The following USP6NL variants were observed in gnomAD, a reference collection of about 807,000 sequenced individuals.
USP6NL encodes USP6 N-terminal-like protein.
Under a neutral mutation model 61.9 loss-of-function variants are expected in USP6NL, and 26 were observed. The observed-to-expected ratio is 0.42, with a 90% confidence interval of 0.31 to 0.58. The LOEUF (loss-of-function observed/expected upper bound fraction) is 0.58, where lower values mean the gene tolerates loss of function less well. USP6NL is among the 20% of genes least tolerant of loss of function. The pLI, the probability that USP6NL is intolerant of heterozygous loss-of-function variation, is 0.16. For synonymous variants in USP6NL, 432 were observed against 390.1 expected (o/e 1.11, Z -1.27); for missense variants, 1,114 against 1,034.3 (o/e 1.08, Z -1.06).
In USP6NL at chr10:11,597,003, T is replaced by C. The variant is rs973684692; in HGVS notation, c.4+628A>G. Reference sequence around the variant, plus strand: ...CTTCAAATCTCCATATAATCCCAGTTAGGGTAAAATCTCAATTCTTTTCCC... The same window carrying C: ...CTTCAAATCTCCATATAATCCCAGTCAGGGTAAAATCTCAATTCTTTTCCC... On this transcript the variant is annotated intron_variant, in intron 2 of 14. Transcript: ENST00000609104. This position sits in a 1 kb window ranked among gnomAD's most constrained non-coding sequence, Gnocchi z 4.6. Among the ~76,000 whole-genome samples, 10 of 152,122 alleles carry C rather than the reference T, an allele frequency of 6.6e-5. No homozygotes were observed. Among genetic ancestry groups the C allele is most frequent in the Non-Finnish European group, 1.3e-4 (9 of 68,024 alleles).
rs949003054 is a variant in USP6NL at position 11,482,427 on chromosome 10, A to G, written c.926-505T>C. On this transcript the variant is annotated intron_variant, in intron 13 of 14. Transcript: ENST00000609104. This position sits in a 1 kb window ranked among gnomAD's most constrained non-coding sequence, Gnocchi z 4.0. The stretch of plus-strand genomic sequence containing the variant: ...TTGGAAAAAGACATTCAAATTAAAT[A>G]TGAACACAAAGCAGAAAGTAAAAAT... Among the ~76,000 whole-genome samples the G allele has an allele frequency of 1.3e-5, 2 of 152,274 alleles. No individual in the cohort carries two copies. The highest frequency in any genetic ancestry group is 6.5e-5 in the Admixed American group (1 of 15,290).
chr10:11,541,608 G>A (rs1470002237), intron 2 of USP6NL, among the ~76,000 whole-genome samples: 2 of 152,074 alleles, frequency 1.3e-5, no homozygotes, highest in East Asian at 3.9e-4. Flanking sequence ...CATTAAATAA[G>A]GGCAAGAGGC....
chr10:11,492,543 G>T (rs943114180), intron 8 of USP6NL, among the ~76,000 whole-genome samples: 2 of 152,184 alleles, frequency 1.3e-5, no homozygotes, highest in Non-Finnish European at 2.9e-5. Context: ...CTTTCCCATG[G>T]CCTGCCCTGT....
intron 2 of USP6NL, among the ~76,000 whole-genome samples, chr10:11,534,091 C>A (rs986044470): frequency 6.6e-6 from 1 of 152,028 alleles, no homozygotes; most frequent in East Asian, 1.9e-4. Flanking sequence ...TCCTCATCCC[C>A]CACCCTTGAT....
intron 14 of USP6NL, among the ~76,000 whole-genome samples, chr10:11,479,668 C>A (rs951178569): frequency 6.6e-6 from 1 of 151,688 alleles, no homozygotes; most frequent in Non-Finnish European, 1.5e-5. Flanking sequence ...CTCCACCTCC[C>A]GGGTTCATGC....
chr10:11,539,265 A>T lies in USP6NL; in HGVS notation c.5-11698T>A, dbSNP rs113838954. ...GGCTTGTTGGCTGTGTCAGTCACCC[A>T]GTGGGCAGGTCTAAGTCAAGCAGGC... On this transcript the variant is annotated intron_variant, in intron 2 of 14. Coordinates refer to ENST00000609104, the MANE Select transcript of USP6NL (RefSeq NM_014688.5). Among the ~76,000 whole-genome samples the T allele has an allele frequency of 3.9e-3, 594 of 152,288 alleles. 3 individuals are homozygous for T. The highest frequency in any genetic ancestry group is 0.014 in the African/African-American group (573 of 41,554).
chr10:11,570,288 T>C (rs1837310237), intron 2 of USP6NL, among the ~76,000 whole-genome samples: 1 of 152,236 alleles, frequency 6.6e-6, no homozygotes, highest in South Asian at 2.1e-4. Context: ...CTTGAGGATA[T>C]ATCTCTACGC....
rs572282618 is a variant in USP6NL, at chr10:11,567,640, T to A, written c.4+29991A>T. Among the ~76,000 whole-genome samples, 22 of 152,320 alleles carry A rather than the reference T, an allele frequency of 1.4e-4. No homozygotes were observed. In the South Asian group the frequency reaches 3.9e-3, roughly 27 times the overall value. On this transcript the variant is annotated intron_variant, in intron 2 of 14. Transcript: ENST00000609104. Reference sequence around the variant, plus strand: ...CTATCCACAGAGCTCTGTATTCTGTTCCAGACATAAACACCTACAAACAAA... The same window carrying A: ...CTATCCACAGAGCTCTGTATTCTGTACCAGACATAAACACCTACAAACAAA...
chr10:11,525,458 C>A lies in USP6NL; in HGVS notation c.83G>T (p.Gly28Val). ...ATCTTCCCAAGGTTCAATCTCTGCACCTTCTCGTCCCTAAAATAAGGCACA... is the reference window on the plus strand; with the variant it reads ...ATCTTCCCAAGGTTCAATCTCTGCAACTTCTCGTCCCTAAAATAAGGCACA... ...IVAKYDRGREGAEIEPWEDAD... is the reference protein window; with the variant it reads ...IVAKYDRGREVAEIEPWEDAD... Residue 28 changes from glycine to valine, a missense_variant, in exon 4 of 15, where the codon GGT becomes GTT. Coordinates refer to ENST00000609104, the MANE Select transcript of USP6NL (RefSeq NM_014688.5). The surrounding 1 kb of genome is among the most constrained non-coding windows in gnomAD (Gnocchi z 5.0). 5 of 1,584,376 alleles carry A rather than the reference C, an allele frequency of 3.2e-6. No homozygotes were observed. Among genetic ancestry groups the A allele is most frequent in the Non-Finnish European group, 3.4e-6 (4 of 1,171,662 alleles).
rs540226752 is a variant in USP6NL, at chr10:11,463,712, C to T, written c.1216G>A (p.Gly406Arg). 15 of 1,610,844 alleles carry T rather than the reference C, an allele frequency of 9.3e-6. No homozygotes were observed. In the South Asian group the frequency reaches 9.9e-5, roughly 11 times the overall value. Residue 406 changes from glycine (G) to arginine (R), a missense_variant, in exon 15 of 15, where the codon GGG becomes AGG. By Grantham distance (125) the Gly-to-Arg change is moderately radical. Coordinates refer to ENST00000609104, the MANE Select transcript of USP6NL (RefSeq NM_014688.5). The surrounding 1 kb of genome is among the most constrained non-coding windows in gnomAD (Gnocchi z 6.3). ...SPLASGRRES[G>R]APHRRHEHSP... ...TGCTCGTGCCTCCTGTGGGGCGCCC[C>T]GCTCTCCCTCCTGCCGCTGGCCAGC... is the stretch of plus-strand genomic sequence containing the variant.
chr10:11,523,877 A>C (rs2133390893), intron 4 of USP6NL, among the ~76,000 whole-genome samples: 1 of 152,340 alleles, frequency 6.6e-6, no homozygotes, highest in South Asian at 2.1e-4. Context: ...TTGAATCAAA[A>C]TCTAGGAAAG....
At chr10:11,484,228 C>A (rs1833363226) in intron 13 of USP6NL, among the ~76,000 whole-genome samples, 2 of 152,050 alleles carry the variant, frequency 1.3e-5, no homozygotes, top group Non-Finnish European at 2.9e-5. Flanking sequence ...TTCTTTTCTG[C>A]ATAGCTACAA....
At chr10:11,539,989 C>G (rs1214838636) in intron 2 of USP6NL, among the ~76,000 whole-genome samples, 1 of 152,194 alleles carries the variant, frequency 6.6e-6, no homozygotes, top group Admixed American at 6.5e-5. Context: ...CCAGGCTGTC[C>G]AATTTCAACT....
chr10:11,520,006 G>C lies in USP6NL; in HGVS notation c.156-1432C>G, dbSNP rs189718874. ...TTTTTCTACTCTGAGGAGTCCTTAG[G>C]TGAACAATTACTACAGCCACAAAAC... is the stretch of plus-strand genomic sequence containing the variant. On this transcript the variant is annotated intron_variant, in intron 4 of 14. Transcript: ENST00000609104. This position sits in a 1 kb window ranked among gnomAD's most constrained non-coding sequence, Gnocchi z 5.2. Among the ~76,000 whole-genome samples, 2 of 152,144 alleles carry C rather than the reference G, an allele frequency of 1.3e-5. No individual in the cohort carries two copies. Among genetic ancestry groups the C allele is most frequent in the Non-Finnish European group, 2.9e-5 (2 of 68,028 alleles).
chr10:11,519,185 C>A (rs1478128071), intron 4 of USP6NL, among the ~76,000 whole-genome samples: 1 of 152,186 alleles, frequency 6.6e-6, no homozygotes, highest in Non-Finnish European at 1.5e-5. Context: ...GCTCCACAGG[C>A]CCCAGCTTGC....
Position 11,570,997 on chromosome 10 carries a change from T to C in USP6NL, c.4+26634A>G, listed in dbSNP as rs1297269196. Among the ~76,000 whole-genome samples, 8 of 152,192 alleles carry C rather than the reference T, an allele frequency of 5.3e-5. 1 individual carries two copies. Among genetic ancestry groups the C allele is most frequent in the South Asian group, 4.1e-4 (2 of 4,832 alleles). On this transcript the variant is annotated intron_variant, in intron 2 of 14. Coordinates refer to ENST00000609104, the MANE Select transcript of USP6NL (RefSeq NM_014688.5). ...TGTTGCCTAACTAAACAAACACTTA[T>C]TAGACAAGACTGTCTTAACAAATGC...
chr10:11,570,514 C>A (rs1309558687), intron 2 of USP6NL, among the ~76,000 whole-genome samples: 1 of 152,168 alleles, frequency 6.6e-6, no homozygotes, highest in African/African-American at 2.4e-5. Flanking sequence ...TTTTAATAAC[C>A]TTGGTCGTTC....
At chr10:11,523,029 G>A (rs1204299848) in intron 4 of USP6NL, among the ~76,000 whole-genome samples, 1 of 152,222 alleles carries the variant, frequency 6.6e-6, no homozygotes, top group Admixed American at 6.5e-5. Context: ...CTTTTCAGGG[G>A]AATAACTGAG....
At chr10:11,521,660 G>GTT (rs1835213010) in intron 4 of USP6NL, among the ~76,000 whole-genome samples, 1 of 152,078 alleles carries the variant, frequency 6.6e-6, no homozygotes, top group African/African-American at 2.4e-5. Context: ...GATTACAGGC[G>GTT]TAAGCCACCG....
Sources: gnomAD v4.1 joint callset for allele counts (sites outside exome capture counted in the v4.1 genomes callset) on GRCh38, gnomAD v4.1.1 for gene constraint, Gnocchi (gnomAD v3.1) non-coding constraint, MANE v1.5 for transcripts, NCBI Gene and HGNC (gene_info 2026-07-23, HGNC 2026-07-21) for gene names.